SEPTIN6: variants seen among roughly 807,000 people sequenced by gnomAD.
SEPTIN6 encodes septin-6.
In SEPTIN6, 8 loss-of-function variants were observed where a neutral mutation model predicts 33.6. The ratio of observed to expected loss-of-function variants is 0.24; its 90% CI spans 0.14 to 0.43. The LOEUF is 0.43. SEPTIN6 is among the 20% of genes least tolerant of loss of function. The probability of loss-of-function intolerance (pLI) is 1.00; values close to 1 mark genes in which losing one functional copy is unlikely to be tolerated. For synonymous variants in SEPTIN6, 131 were observed against 140.0 expected (o/e 0.94, Z 0.45); for missense variants, 250 against 340.8 (o/e 0.73, Z 2.10).
At chrX:119,669,584 C>T (rs1222284571) in intron 2 of SEPTIN6, among the ~76,000 whole-genome samples, 1 of 112,056 alleles carries the variant, frequency 8.9e-6, no homozygotes, top group Admixed American at 9.5e-5. Context: ...CTTCCTGCAT[C>T]TCTTCCCAAG....
chrX:119,644,430 C>G (rs887569016), intron 5 of SEPTIN6, among the ~76,000 whole-genome samples: 1 of 111,451 alleles, frequency 9.0e-6, no homozygotes, highest in African/African-American at 3.3e-5. Context: ...ATTTATTCCT[C>G]ATAGTTCTGG....
In SEPTIN6 at chrX:119,663,212, A is replaced by G. The variant is rs189262006; in HGVS notation, c.341+270T>C. On this transcript the variant is annotated intron_variant, in intron 3 of 10. Coordinates refer to ENST00000394610, the MANE Select transcript of SEPTIN6 (RefSeq NM_145799.4). The stretch of plus-strand genomic sequence containing the variant: ...GTACCTGGCGCAAGGTAGGAGCTCA[A>G]TAAATGTTTGCTGCATGGAATTGAG... Among the ~76,000 whole-genome samples the G allele has an allele frequency of 2.7e-5, 3 of 112,135 alleles. No individual in the cohort carries two copies. In the East Asian group the frequency reaches 8.4e-4, roughly 31 times the overall value.
At chrX:119,633,596 G>C (rs1261247610) in intron 7 of SEPTIN6, 104 bp from the exon 8 acceptor site, 1 of 1,012,582 alleles carries the variant, frequency 9.9e-7, no homozygotes, top group African/African-American at 1.9e-5. Context: ...CCCTTCCCCA[G>C]TTGTGAGCCA....
At chrX:119,662,622 A>C (rs1405072078) in intron 3 of SEPTIN6, among the ~76,000 whole-genome samples, 1 of 111,550 alleles carries the variant, frequency 9.0e-6, no homozygotes, top group Non-Finnish European at 1.9e-5. Context: ...GCCTCATCTC[A>C]CCGTTTTTTC....
At chrX:119,623,533 TA>T (rs1411534245) in intron 10 of SEPTIN6, among the ~76,000 whole-genome samples, 4 of 111,504 alleles carry the variant, frequency 3.6e-5, no homozygotes, top group Admixed American at 9.6e-5. Flanking sequence ...CGGTAAAGTT[TA>T]AAAAAAATAA....
At chrX:119,642,177 C>CAAAAAAA (rs1188953936) in intron 5 of SEPTIN6, among the ~76,000 whole-genome samples, 3 of 45,360 alleles carry the variant, frequency 6.6e-5, no homozygotes, top group African/African-American at 7.1e-5. Context: ...GACCCAGTCT[C>CAAAAAAA]AAAAAAAAAA....
chrX:119,622,724 C>T (rs1041194223), intron 10 of SEPTIN6, among the ~76,000 whole-genome samples: 1 of 112,481 alleles, frequency 8.9e-6, no homozygotes, highest in Non-Finnish European at 1.9e-5. Context: ...TAACTGAAAT[C>T]TCATTAACTA....
Position 119,669,027 on chromosome X carries a change from C to T in SEPTIN6, c.146-5350G>A, listed in dbSNP as rs1330609743. Among the ~76,000 whole-genome samples the T allele has an allele frequency of 2.7e-5, 3 of 111,932 alleles. No homozygotes were observed. In the East Asian group the frequency reaches 8.3e-4, roughly 31 times the overall value. ...CTTGGCTCCCACTTATGAGTGAGAA[C>T]ATACAATGTTCGGTTTTCCATTCCT... On this transcript the variant is annotated intron_variant, in intron 2 of 10. Coordinates refer to ENST00000394610, the MANE Select transcript of SEPTIN6 (RefSeq NM_145799.4).
intron 10 of SEPTIN6, among the ~76,000 whole-genome samples, chrX:119,620,307 TTATC>T (rs1380767531): frequency 6.5e-5 from 7 of 108,430 alleles, no homozygotes; most frequent in Admixed American, 2.0e-4. Flanking sequence ...AAAATACATT[TTATC>T]TTTCTTTCTT....
intron 8 of SEPTIN6, among the ~76,000 whole-genome samples, chrX:119,630,635 C>A (rs766613119): frequency 9.0e-6 from 1 of 111,495 alleles, no homozygotes; most frequent in African/African-American, 3.3e-5. Context: ...TCCCAGTAGT[C>A]GGCTCAATCC....
chrX:119,635,933 A>AG, intron 7 of SEPTIN6, among the ~76,000 whole-genome samples: 1 of 111,777 alleles, frequency 8.9e-6, no homozygotes, highest in South Asian at 3.8e-4. Context: ...GCGAAGACAC[A>AG]GGAAACAGAG....
chrX:119,642,075 C>T (rs1296927454), intron 5 of SEPTIN6, among the ~76,000 whole-genome samples: 4 of 107,883 alleles, frequency 3.7e-5, no homozygotes, highest in East Asian at 2.9e-4. Context: ...ATCTCAACAA[C>T]GATCATACAG....
intron 1 of SEPTIN6, among the ~76,000 whole-genome samples, chrX:119,690,161 C>T (rs773129402): frequency 1.8e-5 from 2 of 111,723 alleles, no homozygotes; most frequent in East Asian, 5.6e-4. Flanking sequence ...CACACCAAAC[C>T]GTTTGTGGTG....
chrX:119,630,205 G>T (rs149935512), intron 8 of SEPTIN6, among the ~76,000 whole-genome samples: 1,408 of 112,269 alleles, frequency 0.013, 20 homozygotes, highest in African/African-American at 0.043. Context: ...TTATTTAATT[G>T]TTACCACATT....
chrX:119,658,304 G>A (rs1198241864), intron 3 of SEPTIN6, among the ~76,000 whole-genome samples: 3 of 111,636 alleles, frequency 2.7e-5, no homozygotes, highest in Non-Finnish European at 5.6e-5. Flanking sequence ...TGATCATTCT[G>A]CAACTTCTTT....
Position 119,630,885 on chromosome X carries a change from T to C in SEPTIN6, c.1090-1377A>G, listed in dbSNP as rs184805605. Among the ~76,000 whole-genome samples, 3 of 101,930 alleles carry C rather than the reference T, an allele frequency of 2.9e-5. No homozygotes were observed. In the East Asian group the frequency reaches 8.9e-4, roughly 30 times the overall value. 88.5% of individuals were successfully genotyped at this position (101,930 alleles called of 115,157 possible). On this transcript the variant is annotated intron_variant, in intron 8 of 10. Coordinates refer to ENST00000394610, the MANE Select transcript of SEPTIN6 (RefSeq NM_145799.4). ...TCCAGCCTGGGCAAGAGTGAGACTCTGTCTCGGAAAAAAAAAAAAAGAATA... is the reference window on the plus strand; with the variant it reads ...TCCAGCCTGGGCAAGAGTGAGACTCCGTCTCGGAAAAAAAAAAAAAGAATA...
intron 5 of SEPTIN6, among the ~76,000 whole-genome samples, chrX:119,648,348 T>C (rs2054300411): frequency 9.0e-6 from 1 of 111,062 alleles, no homozygotes; most frequent in South Asian, 3.8e-4. Flanking sequence ...AAGGTCTCTA[T>C]GGGGACTGAT....
chrX:119,656,325 A>G (rs988997422), intron 3 of SEPTIN6, among the ~76,000 whole-genome samples: 6 of 112,102 alleles, frequency 5.4e-5, no homozygotes, highest in African/African-American at 1.9e-4. Context: ...CTTTAAATAC[A>G]GTGATCAGGG....
chrX:119,663,475 TC>T lies in SEPTIN6; in HGVS notation c.341+6del. On this transcript the variant is annotated splice_donor_region_variant and intron_variant, in intron 3 of 10. Coordinates refer to ENST00000394610, the MANE Select transcript of SEPTIN6 (RefSeq NM_145799.4). The stretch of plus-strand genomic sequence containing the variant: ...CCCACCCTACCCCACCCCACCGCCT[TC>T]TTTACCTGTCCTCTTTGTTGATCTG... The T allele has an allele frequency of 1.2e-6, 1 of 803,703 alleles. No individual in the cohort carries two copies. Among genetic ancestry groups the T allele is most frequent in the Admixed American group, 2.6e-5 (1 of 38,124 alleles). The allele number at this position is 803,703 out of a possible 1,213,427, so 66.2% of individuals were successfully genotyped here. A position where few individuals can be genotyped will look rare whatever the true frequency, so the allele number is the denominator to read the frequency against.
Sources: gnomAD v4.1 joint callset for allele counts (sites outside exome capture counted in the v4.1 genomes callset) on GRCh38, gnomAD v4.1.1 for gene constraint, MANE v1.5 for transcripts, NCBI Gene and HGNC (gene_info 2026-07-23, HGNC 2026-07-21) for gene names.